Variants in MCC observed in about 807,000 individuals in gnomAD.
MCC encodes MCC regulator of Wnt signaling pathway, also known as colorectal mutant cancer protein.
MCC carries 90 observed loss-of-function variants against 116.2 expected under a neutral mutation model. That is an observed-to-expected ratio of 0.77 (90% CI 0.65 to 0.92). The LOEUF is 0.92. MCC is among the 40% of genes least tolerant of loss of function. The probability of loss-of-function intolerance (pLI) is 0.00; values close to 1 mark genes in which losing one functional copy is unlikely to be tolerated. For synonymous variants in MCC, 578 were observed against 510.5 expected, an observed-to-expected ratio of 1.13 and a Z score of -1.78; for missense variants, 1,516 against 1,312.2, an observed-to-expected ratio of 1.16 and a Z score of -2.40.
At chr5:113,363,367 G>A (rs892134110) in intron 2 of MCC, among the ~76,000 whole-genome samples, 2 of 152,240 alleles carry the variant, frequency 1.3e-5, no homozygotes, top group African/African-American at 4.8e-5. Context: ...TCCACCGGCT[G>A]TACAGGAAGC....
intron 3 of MCC, among the ~76,000 whole-genome samples, chr5:113,277,431 A>G (rs1403495670): frequency 6.6e-6 from 1 of 151,678 alleles, no homozygotes; most frequent in Non-Finnish European, 1.5e-5. Flanking sequence ...TTGTTTACTC[A>G]TTTATTTCCC....
chr5:113,174,562 T>C (rs569198933), intron 3 of MCC, among the ~76,000 whole-genome samples: 2 of 152,204 alleles, frequency 1.3e-5, no homozygotes, highest in East Asian at 3.9e-4. Context: ...ATTGAAGACC[T>C]TGGAGAAAAA....
chr5:113,424,552 T>C (rs1394449003), intron 1 of MCC, among the ~76,000 whole-genome samples: 1 of 152,004 alleles, frequency 6.6e-6, no homozygotes, highest in Admixed American at 6.6e-5. Flanking sequence ...CCATCTCTAC[T>C]AAAAATACAA....
intron 5 of MCC, among the ~76,000 whole-genome samples, chr5:113,140,720 A>G (rs907031170): frequency 1.6e-4 from 24 of 152,204 alleles, no homozygotes; most frequent in African/African-American, 5.3e-4. Flanking sequence ...CTTCTCCAAT[A>G]AATTCTTAAC....
intron 1 of MCC, among the ~76,000 whole-genome samples, chr5:113,409,054 A>T (rs1440309886): frequency 6.6e-6 from 1 of 152,224 alleles, no homozygotes; most frequent in South Asian, 2.1e-4. Flanking sequence ...CCAATTTATC[A>T]GTCAGAGGAT....
intron 1 of MCC, among the ~76,000 whole-genome samples, chr5:113,400,310 A>G (rs1359236034): frequency 2.0e-5 from 3 of 151,730 alleles, no homozygotes; most frequent in Non-Finnish European, 4.4e-5. Context: ...TTTAGTAGAG[A>G]CAGGGTTTCA....
intron 1 of MCC, among the ~76,000 whole-genome samples, chr5:113,464,751 GAATA>G (rs1054922646): frequency 6.7e-6 from 1 of 148,856 alleles, no homozygotes; most frequent in Non-Finnish European, 1.5e-5. Context: ...TAAAATATTT[GAATA>G]AATTAAATAA....
intron 3 of MCC, among the ~76,000 whole-genome samples, chr5:113,224,027 A>C (rs2150330652): frequency 6.6e-6 from 1 of 152,248 alleles, no homozygotes; most frequent in East Asian, 1.9e-4. Flanking sequence ...GATCTTTTAC[A>C]AACAATAACT....
chr5:113,113,102 C>T (rs1049745926), intron 6 of MCC, among the ~76,000 whole-genome samples: 5 of 152,220 alleles, frequency 3.3e-5, no homozygotes, highest in African/African-American at 1.2e-4. Context: ...AGGGCCAGCG[C>T]ACACCACCCA....
intron 3 of MCC, among the ~76,000 whole-genome samples, chr5:113,280,160 AC>A (rs1282231531): frequency 6.6e-6 from 1 of 151,976 alleles, no homozygotes; most frequent in Non-Finnish European, 1.5e-5. Context: ...AAGCTCTCCA[AC>A]CCCAGTTGTA....
intron 1 of MCC, among the ~76,000 whole-genome samples, chr5:113,427,392 A>G (rs781483498): frequency 6.6e-6 from 1 of 152,242 alleles, no homozygotes; most frequent in Non-Finnish European, 1.5e-5. Context: ...TGTACATGGA[A>G]GAAACATACT....
intron 3 of MCC, among the ~76,000 whole-genome samples, chr5:113,237,479 C>G (rs1460551229): frequency 6.6e-6 from 1 of 152,064 alleles, no homozygotes; most frequent in African/African-American, 2.4e-5. Context: ...AACCTAAAAA[C>G]AAAATGGCAA....
Position 113,231,232 on chromosome 5 carries a change from C to T in MCC, c.628-79810G>A, listed in dbSNP as rs143585163. ...CTATTTCAGTGCTTCTCACTCCCTGCGAGTCTCTCCCTTTTACCATAAGAA... is the reference window on the plus strand; with the variant it reads ...CTATTTCAGTGCTTCTCACTCCCTGTGAGTCTCTCCCTTTTACCATAAGAA... On this transcript the variant is annotated intron_variant, in intron 3 of 18. Coordinates refer to ENST00000408903, the MANE Select transcript of MCC (RefSeq NM_001085377.2). Among the ~76,000 whole-genome samples, 328 of 152,212 alleles carry T rather than the reference C, an allele frequency of 2.2e-3. 2 individuals are homozygous for T. The highest frequency in any genetic ancestry group is 7.5e-3 in the African/African-American group (312 of 41,552).
chr5:113,114,269 C>T (rs534119432), intron 6 of MCC, among the ~76,000 whole-genome samples: 12 of 152,252 alleles, frequency 7.9e-5, no homozygotes, highest in African/African-American at 2.9e-4. Context: ...ACATTCTAGG[C>T]AAGAAGGTCT....
At chr5:113,161,092 A>C (rs954556856) in intron 3 of MCC, among the ~76,000 whole-genome samples, 1 of 152,248 alleles carries the variant, frequency 6.6e-6, no homozygotes, top group African/African-American at 2.4e-5. Context: ...TCCACTAAAA[A>C]ATCCTAACTT....
At chr5:113,182,826 A>C (rs562863457) in intron 3 of MCC, among the ~76,000 whole-genome samples, 2 of 152,206 alleles carry the variant, frequency 1.3e-5, no homozygotes, top group Non-Finnish European at 2.9e-5. Context: ...AGGAACTGAC[A>C]ATCCAGATGG....
intron 2 of MCC, among the ~76,000 whole-genome samples, chr5:113,384,136 T>C (rs1235748665): frequency 2.0e-5 from 3 of 152,210 alleles, no homozygotes; most frequent in African/African-American, 4.8e-5. Flanking sequence ...TATTCAAAAA[T>C]ATATACAAGA....
chr5:113,153,920 C>A (rs368034838), intron 3 of MCC, among the ~76,000 whole-genome samples: 1 of 152,238 alleles, frequency 6.6e-6, no homozygotes, highest in African/African-American at 2.4e-5. Flanking sequence ...AGCTGAGCAC[C>A]AGGGCCAAGG....
chr5:113,154,485 T>C (rs560701673), intron 3 of MCC, among the ~76,000 whole-genome samples: 7 of 152,182 alleles, frequency 4.6e-5, no homozygotes, highest in Non-Finnish European at 8.8e-5. Flanking sequence ...GGAGTGGACT[T>C]CCCACCACAA....
Sources: gnomAD v4.1 joint callset for allele counts (sites outside exome capture counted in the v4.1 genomes callset) on GRCh38, gnomAD v4.1.1 for gene constraint, MANE v1.5 for transcripts, NCBI Gene and HGNC (gene_info 2026-07-23, HGNC 2026-07-21) for gene names.